The following GRIK1 variants were observed in gnomAD, a reference collection of about 807,000 sequenced individuals.
GRIK1 encodes glutamate ionotropic receptor kainate type subunit 1.
Under a neutral mutation model 105.7 loss-of-function variants are expected in GRIK1, and 69 were observed. The observed-to-expected ratio is 0.65, with a 90% CI of 0.54 to 0.80. The LOEUF is 0.80. Among genes scored for constraint, GRIK1 ranks in the 30% least tolerant of loss-of-function variants. GRIK1 has a pLI of 0.00. For missense variants in GRIK1, 1,109 were observed against 1,167.3 expected (o/e 0.95, Z 0.73); for synonymous variants, 438 against 431.3 (o/e 1.02, Z -0.19).
At chr21:29,594,472 T>C (rs2243468) in intron 9 of GRIK1, among the ~76,000 whole-genome samples, 75,767 of 151,962 alleles carry the variant, frequency 0.5, 21,318 homozygotes, top group African/African-American at 0.76. Context: ...AAGCAGACAG[T>C]AGTCATTTAC....
At chr21:29,613,408 T>TA (rs2061772064) in intron 7 of GRIK1, among the ~76,000 whole-genome samples, 1 of 152,154 alleles carries the variant, frequency 6.6e-6, no homozygotes, top group African/African-American at 2.4e-5. Flanking sequence ...TAGTTAGCTT[T>TA]AAAAAAGAAG....
chr21:29,861,575 GGGATT>G (rs796619003), intron 1 of GRIK1: 96,994 of 337,318 alleles, frequency 0.29, 15,340 homozygotes, highest in African/African-American at 0.5. Flanking sequence ...CCCAAAGTGT[GGGATT>G]ATAGGTGTGA....
At chr21:29,694,116 A>ATT in intron 1 of GRIK1, 53 bp from the exon 2 acceptor site, 5 of 632,250 alleles carry the variant, frequency 7.9e-6, no homozygotes, top group East Asian at 7.2e-5. Context: ...GTTCACATGT[A>ATT]ATTTTTTTTT....
At chr21:29,796,841 C>G (rs1034563614) in intron 1 of GRIK1, among the ~76,000 whole-genome samples, 3 of 151,878 alleles carry the variant, frequency 2.0e-5, no homozygotes, top group African/African-American at 7.3e-5. Context: ...CCCAGCTACT[C>G]GAGAAGCTGA....
At chr21:29,587,705 C>A in intron 11 of GRIK1, 116 bp from the exon 12 acceptor site, 1 of 625,480 alleles carries the variant, frequency 1.6e-6, no homozygotes, top group Non-Finnish European at 2.8e-6. Flanking sequence ...ATTCATGAAG[C>A]TCCTGTGATG....
intron 1 of GRIK1, among the ~76,000 whole-genome samples, chr21:29,917,586 TC>T (rs2071039809): frequency 6.6e-6 from 1 of 152,066 alleles, no homozygotes; most frequent in Non-Finnish European, 1.5e-5. Context: ...CTAAAACTCT[TC>T]AAATGCTTTC....
intron 1 of GRIK1, among the ~76,000 whole-genome samples, chr21:29,908,021 A>G (rs914159931): frequency 5.9e-5 from 9 of 152,140 alleles, no homozygotes; most frequent in African/African-American, 2.2e-4. Flanking sequence ...AACAAGTTCA[A>G]GCAAGTGGTC....
chr21:29,770,932 T>C (rs1417396895), intron 1 of GRIK1, among the ~76,000 whole-genome samples: 1 of 152,226 alleles, frequency 6.6e-6, no homozygotes, highest in Admixed American at 6.5e-5. Context: ...TTAAGTCTTC[T>C]AAATTAGTAA....
intron 1 of GRIK1, among the ~76,000 whole-genome samples, chr21:29,762,480 G>C (rs2065552553): frequency 6.6e-6 from 1 of 152,160 alleles, no homozygotes; most frequent in Admixed American, 6.5e-5. Context: ...ATTCATCCTA[G>C]TCTTCAATTA....
intron 1 of GRIK1, among the ~76,000 whole-genome samples, chr21:29,719,876 C>T (rs993610949): frequency 2.0e-5 from 3 of 152,156 alleles, no homozygotes; most frequent in Non-Finnish European, 4.4e-5. Context: ...AGGAAAAAGA[C>T]TATTTATCTT....
intron 1 of GRIK1, among the ~76,000 whole-genome samples, chr21:29,874,331 G>T (rs2069119461): frequency 6.6e-6 from 1 of 152,112 alleles, no homozygotes; most frequent in African/African-American, 2.4e-5. Context: ...ATTAGAAATG[G>T]CTTACTGCAT....
At chr21:29,563,665 C>T (rs2146186915) in intron 14 of GRIK1, among the ~76,000 whole-genome samples, 1 of 152,332 alleles carries the variant, frequency 6.6e-6, no homozygotes, top group East Asian at 1.9e-4. Context: ...AAAGGTCAGT[C>T]TATCTTGTGG....
rs1399713779 is a variant in GRIK1 at position 29,871,668 on chromosome 21, A to G, written c.118+67715T>C. On this transcript the variant is annotated intron_variant, in intron 1 of 17. Coordinates refer to ENST00000327783, the MANE Select transcript of GRIK1 (RefSeq NM_001330994.2). ...AAAAAAAGAAAGGACCCTGGACTCA[A>G]AGTTTTGAATCGTAAGTCCTTGTGT... 2.6e-5 allele frequency among the ~76,000 whole-genome samples: 4 copies of G among 152,122 alleles called. No individual in the cohort carries two copies. In the East Asian group the frequency reaches 7.7e-4, roughly 29 times the overall value.
chr21:29,647,289 A>G (rs543303323), intron 6 of GRIK1, among the ~76,000 whole-genome samples: 25 of 152,356 alleles, frequency 1.6e-4, no homozygotes, highest in African/African-American at 6.0e-4. Context: ...TTTATGGATG[A>G]GCAGACAAAC....
chr21:29,596,388 C>G (rs1459253723), intron 9 of GRIK1, 138 bp downstream of exon 9: 1 of 772,990 alleles, frequency 1.3e-6, no homozygotes, highest in African/African-American at 1.7e-5. Flanking sequence ...AATCACTCCT[C>G]TCTCTTTACA....
intron 3 of GRIK1, among the ~76,000 whole-genome samples, chr21:29,688,438 A>G (rs572965757): frequency 6.6e-6 from 1 of 152,288 alleles, no homozygotes; most frequent in African/African-American, 2.4e-5. Flanking sequence ...ACACTGTTTC[A>G]CTTTACTAAC....
At chr21:29,800,860 T>C (rs1385903680) in intron 1 of GRIK1, among the ~76,000 whole-genome samples, 3 of 152,124 alleles carry the variant, frequency 2.0e-5, no homozygotes, top group Non-Finnish European at 4.4e-5. Context: ...AGAGGATCCA[T>C]GGTCTATACC....
intron 1 of GRIK1, among the ~76,000 whole-genome samples, chr21:29,837,212 G>A (rs746850885): frequency 7.2e-5 from 11 of 152,098 alleles, no homozygotes; most frequent in Non-Finnish European, 1.5e-4. Context: ...TCTCCTACAA[G>A]GAGAGTTGTT....
intron 1 of GRIK1, among the ~76,000 whole-genome samples, chr21:29,784,247 A>G (rs1347120767): frequency 1.3e-5 from 2 of 152,206 alleles, no homozygotes; most frequent in Non-Finnish European, 2.9e-5. Flanking sequence ...TTTTGCTGTT[A>G]AAAAATACTA....
Sources: gnomAD v4.1 joint callset for allele counts (sites outside exome capture counted in the v4.1 genomes callset) on GRCh38, gnomAD v4.1.1 for gene constraint, MANE v1.5 for transcripts, NCBI Gene and HGNC (gene_info 2026-07-23, HGNC 2026-07-21) for gene names.